The following SLCO3A1 variants were observed in gnomAD, a reference collection of about 807,000 sequenced individuals.
SLCO3A1 encodes the protein PGE1 transporter.
Under a neutral mutation model 63.1 loss-of-function variants are expected in SLCO3A1, and 27 were observed. The observed-to-expected ratio is 0.43, with a 90% CI of 0.32 to 0.59. The LOEUF is 0.59. SLCO3A1 is among the 20% of genes least tolerant of loss of function. The probability of loss-of-function intolerance (pLI) is 0.09; values close to 1 mark genes in which losing one functional copy is unlikely to be tolerated. For missense variants in SLCO3A1, 773 were observed against 945.8 expected, an observed-to-expected ratio of 0.82 and a Z score of 2.40; for synonymous variants, 473 against 409.9, an observed-to-expected ratio of 1.15 and a Z score of -1.86.
intron 2 of SLCO3A1, among the ~76,000 whole-genome samples, chr15:91,933,967 C>G (rs1899319632): frequency 6.6e-6 from 1 of 152,166 alleles, no homozygotes; most frequent in African/African-American, 2.4e-5. Flanking sequence ...AGGGTTCTTA[C>G]TTTTTCTGAT....
In SLCO3A1 at chr15:92,163,123, G is replaced by A; in HGVS notation, c.2121G>A (p.Glu707=). The A allele has an allele frequency of 6.6e-7, 1 of 1,522,944 alleles. No individual in the cohort carries two copies. The highest frequency in any genetic ancestry group is 8.8e-7 in the Non-Finnish European group (1 of 1,137,450). The allele number at this position is 1,522,944 out of a possible 1,614,324, so 94.3% of individuals were successfully genotyped here. The change falls in exon 10 of 10, where the codon GAG becomes GAA. Residue 707 remains glutamate, a synonymous_variant. Transcript: ENST00000318445. ...ACCATGAGTGGTGTGAAAACATGGA[G>A]TCCGTTTTATAGTGACTAAAGGAGG... is the stretch of plus-strand genomic sequence containing the variant. ...LEDHEWCENM[E]SVL is the part of the protein sequence containing the mutation.
chr15:92,042,184 C>G (rs76406847), intron 2 of SLCO3A1, among the ~76,000 whole-genome samples: 71 of 152,312 alleles, frequency 4.7e-4, no homozygotes, highest in African/African-American at 1.6e-3. Context: ...CTCATCTTTC[C>G]TTGAGTAAAC....
At chr15:91,907,440 A>C (rs61621365) in intron 1 of SLCO3A1, among the ~76,000 whole-genome samples, 47,076 of 151,878 alleles carry the variant, frequency 0.31, 8,163 homozygotes, top group East Asian at 0.72. Context: ...TGCTGACCTC[A>C]GGTGATTCTC....
At chr15:92,162,537 C>G in intron 9 of SLCO3A1, 1 of 643,214 alleles carries the variant, frequency 1.6e-6, no homozygotes, top group Non-Finnish European at 2.5e-6. Context: ...GATGAGGAAA[C>G]TAAGGCAGGA....
intron 2 of SLCO3A1, among the ~76,000 whole-genome samples, chr15:91,996,303 C>T (rs962917355): frequency 8.6e-5 from 13 of 151,858 alleles, no homozygotes; most frequent in African/African-American, 3.1e-4. Flanking sequence ...AGATCTTTAT[C>T]AAGAATATTA....
intron 2 of SLCO3A1, among the ~76,000 whole-genome samples, chr15:92,080,504 C>G (rs1393408830): frequency 6.6e-6 from 1 of 151,948 alleles, no homozygotes; most frequent in African/African-American, 2.4e-5. Flanking sequence ...CTAGGAAGGC[C>G]CCTTGGAGGA....
rs1035027089 is a variant in SLCO3A1, at chr15:91,938,473, G to GTT, written c.646+22022_646+22023dup. 9.2e-4 allele frequency among the ~76,000 whole-genome samples: 116 copies of GTT among 126,756 alleles called. 1 individual carries two copies. Among genetic ancestry groups the GTT allele is most frequent in the African/African-American group, 3.6e-3 (107 of 29,466 alleles). 83.2% of individuals were successfully genotyped at this position (126,756 alleles called of 152,430 possible). A position where few individuals can be genotyped will look rare whatever the true frequency, so the allele number is the denominator to read the frequency against. ...GCAACTTGGAATACTCTAAACATTG[G>GTT]TTTTTTTTGTTTTTTTTTTTTTTTG... On this transcript the variant is annotated intron_variant, in intron 2 of 9. Transcript: ENST00000318445.
At position 92,033,563 on chromosome 15, in the gene SLCO3A1, C is replaced by A. The variant is rs2046682619; in HGVS notation, c.647-61318C>A. ...TGGGACTGGCATGTGTTCGTTCAGC[C>A]CGAGCTTCCACAGCACACCACATGC... On this transcript the variant is annotated intron_variant, in intron 2 of 9. Transcript: ENST00000318445. The surrounding 1 kb of genome is among the most constrained non-coding windows in gnomAD (Gnocchi z 4.5). Among the ~76,000 whole-genome samples, 1 of 152,138 alleles carries A rather than the reference C, an allele frequency of 6.6e-6. No homozygotes were observed. The highest frequency in any genetic ancestry group is 1.5e-5 in the Non-Finnish European group (1 of 68,040).
intron 2 of SLCO3A1, among the ~76,000 whole-genome samples, chr15:92,074,504 G>T (rs572447621): frequency 6.6e-6 from 1 of 152,314 alleles, no homozygotes; most frequent in African/African-American, 2.4e-5. Flanking sequence ...GACCTCACCA[G>T]GTGATCTGCC....
chr15:92,127,550 T>C (rs553202290), intron 6 of SLCO3A1, among the ~76,000 whole-genome samples: 4 of 152,314 alleles, frequency 2.6e-5, no homozygotes, highest in Non-Finnish European at 5.9e-5. Context: ...TTGCCGGGTG[T>C]CGCCATCGTC....
At chr15:91,935,215 G>A (rs1198377564) in intron 2 of SLCO3A1, among the ~76,000 whole-genome samples, 1 of 152,210 alleles carries the variant, frequency 6.6e-6, no homozygotes, top group Non-Finnish European at 1.5e-5. Flanking sequence ...GCCTCCCAAA[G>A]TGCTGGGATT....
At chr15:92,140,618 C>G (rs553463023) in intron 7 of SLCO3A1, among the ~76,000 whole-genome samples, 40 of 152,242 alleles carry the variant, frequency 2.6e-4, no homozygotes, top group African/African-American at 9.4e-4. Context: ...GAGTCTAATT[C>G]TCTTTGTAGG....
At chr15:91,991,910 C>G (rs1055839967) in intron 2 of SLCO3A1, among the ~76,000 whole-genome samples, 1 of 152,096 alleles carries the variant, frequency 6.6e-6, no homozygotes. Context: ...AATCCAAAGT[C>G]AAAGATAGTA....
chr15:91,957,903 G>T (rs1900297206), intron 2 of SLCO3A1, among the ~76,000 whole-genome samples: 1 of 152,118 alleles, frequency 6.6e-6, no homozygotes, highest in Non-Finnish European at 1.5e-5. Flanking sequence ...AGCATGGCCT[G>T]GCACATAACA....
At chr15:91,964,493 T>A (rs2151423891) in intron 2 of SLCO3A1, among the ~76,000 whole-genome samples, 1 of 152,038 alleles carries the variant, frequency 6.6e-6, no homozygotes, top group Admixed American at 6.5e-5. Flanking sequence ...GGCAGCTCTG[T>A]GTAGTAGCTC....
intron 2 of SLCO3A1, among the ~76,000 whole-genome samples, chr15:92,066,218 G>T (rs1457926451): frequency 6.6e-6 from 1 of 152,224 alleles, no homozygotes; most frequent in African/African-American, 2.4e-5. Context: ...GATTCCAGAG[G>T]GGGAGTTGGT....
rs1405602024 is a variant in SLCO3A1, at chr15:92,164,768, T to C, written c.*1633T>C. The C allele has an allele frequency of 1.0e-6, 1 of 985,226 alleles. No individual in the cohort carries two copies. The highest frequency in any genetic ancestry group is 1.7e-5 in the African/African-American group (1 of 57,190). 61.0% of individuals were successfully genotyped at this position (985,226 alleles called of 1,614,324 possible). On this transcript the variant is annotated 3_prime_UTR_variant, in exon 10 of 10. Coordinates refer to ENST00000318445, the MANE Select transcript of SLCO3A1 (RefSeq NM_013272.4). Reference sequence around the variant, plus strand: ...CCTCAGAGAATGAACCTGTTATGATTTGGGGTAAGAATCACGTTGGAAAAC... The same window carrying C: ...CCTCAGAGAATGAACCTGTTATGATCTGGGGTAAGAATCACGTTGGAAAAC...
chr15:92,053,691 T>G (rs1314567143), intron 2 of SLCO3A1, among the ~76,000 whole-genome samples: 47 of 88,150 alleles, frequency 5.3e-4, no homozygotes, highest in African/African-American at 1.9e-3. Flanking sequence ...TTTGTTTGTT[T>G]GTTTGTTTTT....
chr15:91,902,150 C>T (rs1015696675), intron 1 of SLCO3A1, among the ~76,000 whole-genome samples: 1 of 151,996 alleles, frequency 6.6e-6, no homozygotes, highest in Non-Finnish European at 1.5e-5. Flanking sequence ...CTTTTCAACT[C>T]TAGAATTTCC....
Sources: gnomAD v4.1 joint callset for allele counts (sites outside exome capture counted in the v4.1 genomes callset) on GRCh38, gnomAD v4.1.1 for gene constraint, Gnocchi (gnomAD v3.1) non-coding constraint, MANE v1.5 for transcripts, NCBI Gene and HGNC (gene_info 2026-07-23, HGNC 2026-07-21) for gene names.